The following PCDH7 variants were observed in gnomAD, a reference collection of about 807,000 sequenced individuals.
PCDH7 encodes protocadherin-7.
Under a neutral mutation model 58.9 loss-of-function variants are expected in PCDH7, and 17 were observed. The ratio of observed to expected loss-of-function variants is 0.29; its 90% CI spans 0.20 to 0.43. PCDH7 has a LOEUF of 0.43. Among genes scored for constraint, PCDH7 ranks in the 20% least tolerant of loss-of-function variants. PCDH7 has a pLI of 1.00. For synonymous variants in PCDH7, 664 were observed against 616.4 expected, an observed-to-expected ratio of 1.08 and a Z score of -1.14; for missense variants, 1,274 against 1,441.0, an observed-to-expected ratio of 0.88 and a Z score of 1.88.
chr4:30,808,062 G>T (rs1266561819), intron 1 of PCDH7, among the ~76,000 whole-genome samples: 1 of 152,204 alleles, frequency 6.6e-6, no homozygotes, highest in Non-Finnish European at 1.5e-5. Flanking sequence ...CTGTGTTGGT[G>T]TGCAGAAGCT....
chr4:30,841,610 T>C (rs1731231269), intron 1 of PCDH7, among the ~76,000 whole-genome samples: 1 of 152,120 alleles, frequency 6.6e-6, no homozygotes, highest in African/African-American at 2.4e-5. Flanking sequence ...CACAAATAGA[T>C]GGAAATAGGT....
intron 1 of PCDH7, among the ~76,000 whole-genome samples, chr4:30,872,127 A>T (rs1480223659): frequency 2.0e-5 from 3 of 152,150 alleles, no homozygotes; most frequent in Non-Finnish European, 4.4e-5. Context: ...AGCCCATAAC[A>T]GATAAATTGG....
At chr4:30,953,956 T>C (rs1469018548) in intron 3 of PCDH7, among the ~76,000 whole-genome samples, 1 of 152,132 alleles carries the variant, frequency 6.6e-6, no homozygotes, top group Non-Finnish European at 1.5e-5. Flanking sequence ...GTCTCATATA[T>C]AACAATATAT....
chr4:30,806,886 T>C (rs1307235469), intron 1 of PCDH7, among the ~76,000 whole-genome samples: 1 of 152,084 alleles, frequency 6.6e-6, no homozygotes, highest in African/African-American at 2.4e-5. Context: ...TTGTAGAGTG[T>C]CACTTGTTTT....
intron 1 of PCDH7, among the ~76,000 whole-genome samples, chr4:30,825,271 A>G (rs138561923): frequency 6.6e-6 from 1 of 152,172 alleles, no homozygotes; most frequent in South Asian, 2.1e-4. Flanking sequence ...GTTAACTTTG[A>G]AAATCTGTGA....
intron 1 of PCDH7, among the ~76,000 whole-genome samples, chr4:30,827,123 C>G (rs1729194221): frequency 6.6e-6 from 1 of 152,076 alleles, no homozygotes; most frequent in Non-Finnish European, 1.5e-5. Flanking sequence ...CAGTTAAGTT[C>G]ATTTTTATGT....
intron 1 of PCDH7, among the ~76,000 whole-genome samples, chr4:30,808,378 G>A (rs991627420): frequency 6.6e-6 from 1 of 151,802 alleles, no homozygotes; most frequent in Non-Finnish European, 1.5e-5. Context: ...ACTTTTTCAG[G>A]GCATTCTGCT....
intron 3 of PCDH7, among the ~76,000 whole-genome samples, chr4:31,021,573 G>A (rs1312559389): frequency 6.6e-6 from 1 of 152,090 alleles, no homozygotes; most frequent in Non-Finnish European, 1.5e-5. Flanking sequence ...CCTGGGGGTG[G>A]CTTTCTGCGG....
At chr4:30,946,697 T>TGTGG (rs1294541254) in intron 2 of PCDH7, among the ~76,000 whole-genome samples, 3 of 146,468 alleles carry the variant, frequency 2.0e-5, no homozygotes, top group African/African-American at 8.1e-5. Flanking sequence ...CTTTTGTGTG[T>TGTGG]GTGTGTGTGT....
chr4:30,754,825 G>A (rs1719062781), intron 1 of PCDH7, among the ~76,000 whole-genome samples: 1 of 152,038 alleles, frequency 6.6e-6, no homozygotes, highest in African/African-American at 2.4e-5. Context: ...GAAGATTTTT[G>A]ATGGGTGTAC....
At chr4:30,894,481 AAAAAAAAAAATATATATATATAT>A (rs1157593988) in intron 1 of PCDH7, among the ~76,000 whole-genome samples, 55 of 57,014 alleles carry the variant, frequency 9.6e-4, no homozygotes, top group Non-Finnish European at 1.7e-3. Flanking sequence ...AAAAAAAAAA[AAAAAAAAAAATATATATATATAT>A]ATATATATAT....
At chr4:31,103,459 C>G (rs769176537) in intron 3 of PCDH7, among the ~76,000 whole-genome samples, 4 of 152,010 alleles carry the variant, frequency 2.6e-5, no homozygotes, top group Non-Finnish European at 5.9e-5. Context: ...CTCAGCCTCC[C>G]AAGTAGCTGG....
chr4:31,049,432 A>G (rs1324370697), intron 3 of PCDH7, among the ~76,000 whole-genome samples: 1 of 152,124 alleles, frequency 6.6e-6, no homozygotes, highest in Non-Finnish European at 1.5e-5. Context: ...TGGATATGCA[A>G]GAGTGACACA....
At chr4:30,775,680 G>T (rs1320123683) in intron 1 of PCDH7, among the ~76,000 whole-genome samples, 1 of 152,102 alleles carries the variant, frequency 6.6e-6, no homozygotes. Context: ...GGCCAAGGCG[G>T]GAGGATCACG....
intron 1 of PCDH7, among the ~76,000 whole-genome samples, chr4:30,865,988 C>T (rs1290303947): frequency 2.6e-5 from 4 of 152,022 alleles, no homozygotes; most frequent in Non-Finnish European, 4.4e-5. Context: ...AAATGGTGTA[C>T]ACAAGTTAAG....
intron 1 of PCDH7, among the ~76,000 whole-genome samples, chr4:30,877,016 G>A (rs1485740227): frequency 2.0e-5 from 3 of 151,904 alleles, no homozygotes; most frequent in African/African-American, 4.8e-5. Context: ...TCCCTGATAG[G>A]GATTAATGCT....
chr4:31,053,639 C>G (rs1466171851), intron 3 of PCDH7, among the ~76,000 whole-genome samples: 15 of 152,074 alleles, frequency 9.9e-5, no homozygotes, highest in Non-Finnish European at 2.2e-4. Context: ...ATCTCTGCTC[C>G]TCTGAGGTCA....
chr4:30,748,281 C>T (rs1458000107), intron 1 of PCDH7, among the ~76,000 whole-genome samples: 1 of 152,164 alleles, frequency 6.6e-6, no homozygotes, highest in Admixed American at 6.5e-5. Flanking sequence ...TACAGTAGGT[C>T]TCATCCTACT....
chr4:31,117,490 A>G (rs1318107060), intron 3 of PCDH7, among the ~76,000 whole-genome samples: 1 of 152,186 alleles, frequency 6.6e-6, no homozygotes, highest in Non-Finnish European at 1.5e-5. Flanking sequence ...TTTAGAATTC[A>G]TTAATTCATT....
Sources: gnomAD v4.1 joint callset for allele counts (sites outside exome capture counted in the v4.1 genomes callset) on GRCh38, gnomAD v4.1.1 for gene constraint, MANE v1.5 for transcripts, NCBI Gene and HGNC (gene_info 2026-07-23, HGNC 2026-07-21) for gene names.